Variants in GLG1 observed in about 807,000 individuals in gnomAD.
The protein encoded by GLG1 is Golgi apparatus protein 1.
GLG1 carries 38 observed loss-of-function variants against 160.5 expected under a neutral mutation model. That is an observed-to-expected ratio of 0.24 (90% confidence interval 0.18 to 0.31). The LOEUF (loss-of-function observed/expected upper bound fraction) is 0.31. GLG1 is among the 10% of genes least tolerant of loss of function. The pLI is 1.00. For missense variants in GLG1, 1,373 were observed against 1,505.2 expected, an observed-to-expected ratio of 0.91 and a Z score of 1.45; for synonymous variants, 644 against 543.4, an observed-to-expected ratio of 1.19 and a Z score of -2.57.
chr16:74,540,848 C>T (rs2017842333), intron 1 of GLG1, among the ~76,000 whole-genome samples: 1 of 152,168 alleles, frequency 6.6e-6, no homozygotes, highest in Admixed American at 6.5e-5. Context: ...AGGCACACAG[C>T]TATCAAGAGA....
At chr16:74,527,599 A>G (rs1479829271) in intron 2 of GLG1, among the ~76,000 whole-genome samples, 1 of 152,044 alleles carries the variant, frequency 6.6e-6, no homozygotes, top group Non-Finnish European at 1.5e-5. Flanking sequence ...CGTATCAATT[A>G]TTTTTCTCTT....
At chr16:74,485,679 G>C in intron 9 of GLG1, 117 bp downstream of exon 9, 1 of 888,014 alleles carries the variant, frequency 1.1e-6, no homozygotes, top group Non-Finnish European at 1.8e-6. Context: ...TGTTCAACTT[G>C]TTCAACAAAA....
At chr16:74,598,092 C>T (rs1050591231) in intron 1 of GLG1, among the ~76,000 whole-genome samples, 2 of 152,072 alleles carry the variant, frequency 1.3e-5, no homozygotes, top group South Asian at 2.1e-4. Flanking sequence ...AATGAGATAA[C>T]GCCTAGAAAG....
rs369387112 is a variant in GLG1, at chr16:74,516,366, C to G, written c.472-7441G>C. On this transcript the variant is annotated intron_variant, in intron 2 of 25. Coordinates refer to ENST00000422840, the MANE Select transcript of GLG1 (RefSeq NM_001145667.2). ...TTGTAACAAACTGTCTCTCAGACCACAGTGCAATCAAACTAGAACTCAGGA... is the reference window on the plus strand; with the variant it reads ...TTGTAACAAACTGTCTCTCAGACCAGAGTGCAATCAAACTAGAACTCAGGA... 1.1e-4 allele frequency among the ~76,000 whole-genome samples: 16 copies of G among 151,890 alleles called. No homozygotes were observed. The East Asian group carries it at 2.3e-3, about 22-fold the overall frequency.
chr16:74,499,695 C>G (rs1245421387), intron 4 of GLG1, among the ~76,000 whole-genome samples: 1 of 152,130 alleles, frequency 6.6e-6, no homozygotes, highest in Non-Finnish European at 1.5e-5. Flanking sequence ...TGTAACTACA[C>G]TGGCATTAGG....
At chr16:74,506,486 G>A (rs2016607174) in intron 3 of GLG1, among the ~76,000 whole-genome samples, 1 of 147,192 alleles carries the variant, frequency 6.8e-6, no homozygotes, top group South Asian at 2.2e-4. Flanking sequence ...GGAGGCTGAG[G>A]CAGGAGAATG....
chr16:74,560,498 T>A (rs190173541), intron 1 of GLG1, among the ~76,000 whole-genome samples: 1 of 148,442 alleles, frequency 6.7e-6, no homozygotes, highest in Non-Finnish European at 1.5e-5. Context: ...TTGACTGCCA[T>A]CAAGCCTAGC....
intron 1 of GLG1, among the ~76,000 whole-genome samples, chr16:74,599,052 G>C (rs1453687447): frequency 6.6e-6 from 1 of 151,930 alleles, no homozygotes; most frequent in African/African-American, 2.4e-5. Flanking sequence ...TCCTTCTACA[G>C]AACAATGAAT....
chr16:74,592,855 G>T (rs1187139636), intron 1 of GLG1, among the ~76,000 whole-genome samples: 1 of 152,074 alleles, frequency 6.6e-6, no homozygotes, highest in Non-Finnish European at 1.5e-5. Context: ...GTCCCCCAAA[G>T]TTCATGTGTT....
chr16:74,532,523 T>C (rs1165649339), intron 1 of GLG1, among the ~76,000 whole-genome samples: 1 of 152,144 alleles, frequency 6.6e-6, no homozygotes, highest in Admixed American at 6.5e-5. Context: ...TTTTTATTTA[T>C]TTATTTTTTA....
At chr16:74,525,703 AT>A (rs1467305406) in intron 2 of GLG1, among the ~76,000 whole-genome samples, 1 of 149,476 alleles carries the variant, frequency 6.7e-6, no homozygotes, top group Non-Finnish European at 1.5e-5. Flanking sequence ...CCGTTTTAAA[AT>A]TTGCTTTTTA....
intron 1 of GLG1, 67 bp downstream of exon 1, chr16:74,606,590 C>T (rs1008117582): frequency 2.4e-5 from 33 of 1,389,266 alleles, no homozygotes; most frequent in Middle Eastern, 4.1e-4. Context: ...TCAGCGGCTT[C>T]CAAGGCCGGC....
chr16:74,470,220 A>C, intron 15 of GLG1, 147 bp from the exon 16 acceptor site: 1 of 649,104 alleles, frequency 1.5e-6, no homozygotes, highest in Non-Finnish European at 2.8e-6. Flanking sequence ...CGACCTGCTC[A>C]TCTCTCCAGT....
At chr16:74,455,891 G>A (rs1332048371) in intron 25 of GLG1, among the ~76,000 whole-genome samples, 1 of 152,148 alleles carries the variant, frequency 6.6e-6, no homozygotes, top group African/African-American at 2.4e-5. Context: ...GTCCACCAAA[G>A]CGTTATGTAA....
intron 1 of GLG1, among the ~76,000 whole-genome samples, chr16:74,586,086 AC>A (rs1958045993): frequency 6.6e-6 from 1 of 151,840 alleles, no homozygotes; most frequent in Admixed American, 6.6e-5. Flanking sequence ...AAAAACAAGA[AC>A]AGGTGGTAAA....
At position 74,456,723 on chromosome 16, in the gene GLG1, T is replaced by G; in HGVS notation, c.3298A>C (p.Lys1100Gln). The G allele has an allele frequency of 6.2e-7, 1 of 1,611,248 alleles. No individual in the cohort carries two copies. Among genetic ancestry groups the G allele is most frequent in the East Asian group, 2.2e-5 (1 of 44,872 alleles). Reference sequence around the variant, plus strand: ...CACTCGGGCTGTAACCTCACCCGCTTATCCTCCAGTGCTTCCATGAGACAG... The same window carrying G: ...CACTCGGGCTGTAACCTCACCCGCTGATCCTCCAGTGCTTCCATGAGACAG... ...MSCLMEALEDKRVRLQPECKK... is the reference protein window; with the variant it reads ...MSCLMEALEDQRVRLQPECKK... The change falls in exon 25 of 26, where the codon AAG becomes CAG. Residue 1100 changes from lysine to glutamine, a missense_variant. By Grantham distance (53) the Lys-to-Gln change is moderately conservative. Transcript: ENST00000422840.
At chr16:74,522,723 A>G (rs1443888839) in intron 2 of GLG1, among the ~76,000 whole-genome samples, 1 of 152,132 alleles carries the variant, frequency 6.6e-6, no homozygotes, top group Non-Finnish European at 1.5e-5. Flanking sequence ...TTGCTCTGTC[A>G]CCCAGCCTGG....
At chr16:74,562,955 T>C (rs537051491) in intron 1 of GLG1, among the ~76,000 whole-genome samples, 37 of 152,242 alleles carry the variant, frequency 2.4e-4, no homozygotes, top group African/African-American at 8.2e-4. Flanking sequence ...GGAGGGCCCC[T>C]CCAGACTTGG....
intron 1 of GLG1, among the ~76,000 whole-genome samples, chr16:74,556,532 TAGTC>T (rs1019535842): frequency 5.9e-5 from 9 of 151,944 alleles, no homozygotes; most frequent in Non-Finnish European, 1.0e-4. Flanking sequence ...ACAAATAAAA[TAGTC>T]AGCTGGGCGT....
Sources: allele counts gnomAD v4.1 joint callset (sites outside exome capture counted in the v4.1 genomes callset), GRCh38; gene constraint gnomAD v4.1.1; transcripts MANE v1.5; gene names NCBI Gene and HGNC (gene_info 2026-07-23, HGNC 2026-07-21).